Variants in ABCC8 observed in about 807,000 individuals in gnomAD.
ABCC8 encodes ATP binding cassette subfamily C member 8.
Under a neutral mutation model 188.0 loss-of-function variants are expected in ABCC8, and 137 were observed. That is an observed-to-expected ratio of 0.73 (90% CI 0.63 to 0.84). ABCC8 has a LOEUF of 0.84. Among genes scored for constraint, ABCC8 ranks in the 40% least tolerant of loss-of-function variants. ABCC8 has a pLI of 0.00. For synonymous variants in ABCC8, 797 were observed against 846.5 expected, an observed-to-expected ratio of 0.94 and a Z score of 1.01; for missense variants, 1,750 against 2,072.7, an observed-to-expected ratio of 0.84 and a Z score of 3.02.
chr11:17,428,676 C>T lies in ABCC8; in HGVS notation c.1818-6G>A, dbSNP rs368708177. ...ACTCGCTTAGCTTTTGCACGCTGCT[C>T]GGGAAGCACAGAGACACCCCTCACC... On this transcript the variant is annotated splice_region_variant and splice_polypyrimidine_tract_variant and intron_variant, in intron 12 of 38. Transcript: ENST00000389817. 6.8e-5 allele frequency: 110 copies of T among 1,611,748 alleles called. No individual in the cohort carries two copies. The highest frequency in any genetic ancestry group is 2.0e-4 in the Admixed American group (12 of 60,006).
At chr11:17,431,829 A>G (rs1266288075) in intron 11 of ABCC8, among the ~76,000 whole-genome samples, 1 of 152,246 alleles carries the variant, frequency 6.6e-6, no homozygotes, top group East Asian at 1.9e-4. Context: ...AAAGAAACAC[A>G]TTAAAAATGT....
At chr11:17,409,602 T>C (rs1954713580) in intron 22 of ABCC8, among the ~76,000 whole-genome samples, 1 of 152,172 alleles carries the variant, frequency 6.6e-6, no homozygotes, top group Non-Finnish European at 1.5e-5. Flanking sequence ...TCATCATACA[T>C]GGAAGGAAGA....
chr11:17,459,322 G>T (rs965731909), intron 6 of ABCC8, among the ~76,000 whole-genome samples: 3 of 152,182 alleles, frequency 2.0e-5, no homozygotes, highest in Non-Finnish European at 4.4e-5. Flanking sequence ...TGTTAATATT[G>T]TTAATCATCC....
At chr11:17,432,985 T>C (rs1226249761) in intron 10 of ABCC8, among the ~76,000 whole-genome samples, 1 of 152,162 alleles carries the variant, frequency 6.6e-6, no homozygotes, top group East Asian at 1.9e-4. Context: ...TGTAAACTTA[T>C]AAATACTTGT....
At chr11:17,408,812 C>T (rs1480983048) in intron 22 of ABCC8, among the ~76,000 whole-genome samples, 3 of 152,196 alleles carry the variant, frequency 2.0e-5, no homozygotes, top group Non-Finnish European at 4.4e-5. Flanking sequence ...CCCACGGCAG[C>T]GGCCGTCATA....
chr11:17,394,995 C>G (rs1303837677), intron 36 of ABCC8, 177 bp downstream of exon 36: 1 of 763,636 alleles, frequency 1.3e-6, no homozygotes, highest in Non-Finnish European at 2.1e-6. Flanking sequence ...GTTGTGTGAC[C>G]TGGGGCAAGA....
At chr11:17,449,279 C>T (rs1956666276) in intron 7 of ABCC8, among the ~76,000 whole-genome samples, 1 of 152,118 alleles carries the variant, frequency 6.6e-6, no homozygotes, top group South Asian at 2.1e-4. Flanking sequence ...CTTGATTTAC[C>T]AGAGGCCAGT....
Position 17,474,885 on chromosome 11 carries a change from C to CCCATCAGA in ABCC8, c.283_290dup (p.Val98LeufsTer4). On this transcript the variant is annotated frameshift_variant and splice_region_variant. Coordinates refer to ENST00000389817, the MANE Select transcript of ABCC8 (RefSeq NM_000352.6). LOFTEE classifies it high-confidence loss of function. ...TCCTGAGTCCTCAGACAGTCACTCACCCATCAGACAGGATGCCCTCTGCAA... is the reference window on the plus strand; with the variant it reads ...TCCTGAGTCCTCAGACAGTCACTCACCCATCAGACCATCAGACAGGATGCCCTCTGCAA... The CCCATCAGA allele has an allele frequency of 6.2e-7, 1 of 1,614,136 alleles. No homozygotes were observed. The highest frequency in any genetic ancestry group is 1.1e-5 in the South Asian group (1 of 91,078).
intron 23 of ABCC8, chr11:17,407,659 G>A (rs975338673): frequency 8.0e-6 from 4 of 500,632 alleles, no homozygotes; most frequent in Non-Finnish European, 1.0e-5. Context: ...ATATCCCTGT[G>A]GGGAACCACT....
chr11:17,475,205 G>T, intron 1 of ABCC8, 178 bp from the exon 2 acceptor site: 1 of 397,222 alleles, frequency 2.5e-6, no homozygotes. Flanking sequence ...CTGGTCCTAT[G>T]CTGGTACCTC....
chr11:17,398,632 A>G, intron 29 of ABCC8, 191 bp from the exon 30 acceptor site: 1 of 592,914 alleles, frequency 1.7e-6, no homozygotes, highest in South Asian at 7.4e-5. Context: ...CCTGTCCAGA[A>G]TCCCCACCTC....
intron 16 of ABCC8, 172 bp from the exon 17 acceptor site, chr11:17,417,134 C>T: frequency 1.1e-6 from 1 of 897,616 alleles, no homozygotes; most frequent in Non-Finnish European, 1.3e-6. Context: ...AATCTCTGTC[C>T]CTCCCACAGC....
At chr11:17,430,678 G>A (rs933449615) in intron 12 of ABCC8, 136 bp downstream of exon 12, 7 of 1,076,510 alleles carry the variant, frequency 6.5e-6, no homozygotes, top group Non-Finnish European at 8.6e-6. Flanking sequence ...GACCAACCAG[G>A]ACCAGCTACA....
At chr11:17,394,100 G>A (rs113835366) in intron 37 of ABCC8, among the ~76,000 whole-genome samples, 166 bp downstream of exon 37, 1 of 152,160 alleles carries the variant, frequency 6.6e-6, no homozygotes, top group Admixed American at 6.6e-5. Context: ...CATTCCCTAA[G>A]ACTAGACAGA....
At chr11:17,470,863 G>A (rs1848441533) in intron 2 of ABCC8, among the ~76,000 whole-genome samples, 1 of 152,168 alleles carries the variant, frequency 6.6e-6, no homozygotes, top group Admixed American at 6.5e-5. Context: ...TGGCCTGGGG[G>A]TAAGACCCAG....
chr11:17,470,484 T>C (rs1305546235), intron 2 of ABCC8, among the ~76,000 whole-genome samples: 1 of 152,122 alleles, frequency 6.6e-6, no homozygotes, highest in Admixed American at 6.5e-5. Context: ...TCTTGAACAG[T>C]GCAGGGGCCT....
Position 17,427,000 on chromosome 11 carries a change from G to C in ABCC8, c.2222+49C>G, listed in dbSNP as rs955888651. 3.7e-6 allele frequency: 6 copies of C among 1,604,966 alleles called. No homozygotes were observed. The African/African-American group carries it at 6.7e-5, about 18-fold the overall frequency. On this transcript the variant is annotated intron_variant, in intron 16 of 38. Coordinates refer to ENST00000389817, the MANE Select transcript of ABCC8 (RefSeq NM_000352.6). The stretch of plus-strand genomic sequence containing the variant: ...TGTGCATCCTCAACTGAGGAGGATG[G>C]TTAAAAGGAGATTTCCCCTCCACTG...
intron 2 of ABCC8, among the ~76,000 whole-genome samples, chr11:17,474,345 C>A (rs918230350): frequency 6.6e-6 from 1 of 152,072 alleles, no homozygotes; most frequent in Non-Finnish European, 1.5e-5. Flanking sequence ...CTTTAACATA[C>A]AGTGTGATCT....
chr11:17,421,853 C>T (rs767588603), intron 16 of ABCC8, among the ~76,000 whole-genome samples: 1 of 152,156 alleles, frequency 6.6e-6, no homozygotes, highest in Non-Finnish European at 1.5e-5. Flanking sequence ...ACCCATCTCC[C>T]CAGAGCATTC....
Sources: allele counts gnomAD v4.1 joint callset (sites outside exome capture counted in the v4.1 genomes callset), GRCh38; gene constraint gnomAD v4.1.1; transcripts MANE v1.5; gene names NCBI Gene and HGNC (gene_info 2026-07-23, HGNC 2026-07-21).